FRG1: variants seen among roughly 807,000 people sequenced by gnomAD.
FRG1 encodes the protein protein FRG1.
Under a neutral mutation model 37.0 loss-of-function variants are expected in FRG1, and 19 were observed. The observed-to-expected ratio is 0.51, with a 90% CI of 0.36 to 0.75. The LOEUF (loss-of-function observed/expected upper bound fraction) is 0.75. Among genes scored for constraint, FRG1 ranks in the 30% least tolerant of loss-of-function variants. FRG1 has a pLI of 0.00. For missense variants in FRG1, 243 were observed against 301.4 expected, an observed-to-expected ratio of 0.81 and a Z score of 1.44; for synonymous variants, 73 against 96.5, an observed-to-expected ratio of 0.76 and a Z score of 1.43.
intron 5 of FRG1, among the ~76,000 whole-genome samples, chr4:189,956,221 C>T (rs758929723): frequency 2.6e-5 from 4 of 152,066 alleles, no homozygotes; most frequent in African/African-American, 4.8e-5. Context: ...TATTCCTTCC[C>T]CCGCCCCCCA....
intron 1 of FRG1, among the ~76,000 whole-genome samples, chr4:189,941,420 A>G (rs370117364): frequency 2.6e-5 from 4 of 152,058 alleles, no homozygotes; most frequent in Admixed American, 6.5e-5. Flanking sequence ...AGGGATTATT[A>G]TTTTCTCCAT....
intron 2 of FRG1, among the ~76,000 whole-genome samples, chr4:189,948,953 A>G (rs2126805518): frequency 6.6e-6 from 1 of 152,376 alleles, no homozygotes; most frequent in East Asian, 1.9e-4. Flanking sequence ...TCCACCTCTC[A>G]AAGTGCTGGA....
chr4:189,959,971 C>T (rs1579645412), intron 6 of FRG1: 1 of 780,330 alleles, frequency 1.3e-6, no homozygotes, highest in South Asian at 5.8e-5. Context: ...GACCAGAACA[C>T]AGATCCCTCT....
rs568458304 is a variant in FRG1 at position 189,949,482 on chromosome 4, G to A, written c.134-2680G>A. On this transcript the variant is annotated intron_variant, in intron 2 of 8. Coordinates refer to ENST00000226798, the MANE Select transcript of FRG1 (RefSeq NM_004477.3). ...TTTCAGTTGACAATATTAAAGTAACGTTATTGTATCATTTCCCTACTTGGA... is the reference window on the plus strand; with the variant it reads ...TTTCAGTTGACAATATTAAAGTAACATTATTGTATCATTTCCCTACTTGGA... Among the ~76,000 whole-genome samples the A allele has an allele frequency of 1.7e-4, 26 of 152,260 alleles. No individual in the cohort carries two copies. The East Asian group carries it at 3.1e-3, about 18-fold the overall frequency.
chr4:189,948,483 A>T (rs1337738901), intron 2 of FRG1, among the ~76,000 whole-genome samples: 4 of 152,308 alleles, frequency 2.6e-5, no homozygotes, highest in African/African-American at 9.6e-5. Flanking sequence ...CTACAGTAAG[A>T]TTGGGGAAGA....
chr4:189,958,702 A>C (rs1466517382), intron 6 of FRG1, among the ~76,000 whole-genome samples: 2 of 152,230 alleles, frequency 1.3e-5, no homozygotes, highest in Non-Finnish European at 2.9e-5. Flanking sequence ...TATCAAGGTG[A>C]AATTCTAAAT....
At chr4:189,952,138 T>C in intron 2 of FRG1, 24 bp from the exon 3 acceptor site, 1 of 1,509,278 alleles carries the variant, frequency 6.6e-7, no homozygotes, top group Non-Finnish European at 9.0e-7. Context: ...AATATAAAGT[T>C]GAAATATTGA....
intron 6 of FRG1, among the ~76,000 whole-genome samples, chr4:189,959,544 A>T (rs111582794): frequency 1.3e-5 from 2 of 152,226 alleles, no homozygotes; most frequent in East Asian, 3.8e-4. Flanking sequence ...GGGGAAATGC[A>T]GATGGGTTTG....
intron 2 of FRG1, among the ~76,000 whole-genome samples, chr4:189,946,838 G>GTTTT (rs796778267): frequency 3.3e-5 from 5 of 151,454 alleles, no homozygotes; most frequent in African/African-American, 4.9e-5. Context: ...TTGGTTCAGG[G>GTTTT]TTTTTTGTTT....
intron 2 of FRG1, among the ~76,000 whole-genome samples, chr4:189,948,042 T>A (rs1327002452): frequency 6.6e-6 from 1 of 152,236 alleles, no homozygotes; most frequent in Non-Finnish European, 1.5e-5. Context: ...TTCTCGTTGG[T>A]CATGGTGGGA....
chr4:189,953,191 A>G (rs373565733), intron 4 of FRG1, 66 bp downstream of exon 4: 2 of 1,468,254 alleles, frequency 1.4e-6, no homozygotes, highest in South Asian at 2.9e-5. Flanking sequence ...TTCATTAAAA[A>G]TTTTAGTATC....
chr4:189,958,165 C>T (rs1737069435), intron 6 of FRG1, among the ~76,000 whole-genome samples: 1 of 151,732 alleles, frequency 6.6e-6, no homozygotes, highest in Non-Finnish European at 1.5e-5. Context: ...CATAATATTC[C>T]ATTTCAGGGA....
chr4:189,955,125 G>A lies in FRG1; in HGVS notation c.406G>A (p.Glu136Lys). Residue 136 changes from glutamate to lysine, a missense_variant, in exon 5 of 9, where the codon GAA becomes AAA. Around this residue, in one of 2 missense-constraint regions of FRG1, gnomAD observed 133 missense variants for 199.3 expected, o/e 0.67. Transcript: ENST00000226798. ...VGRSDAIGPR[E>K]QWEPVFQNGK... is the part of the protein sequence containing the mutation. ...GCGTTCAGATGCAATTGGACCAAGA[G>A]AACAATGGGAACCAGTCTTTCAAAA... 1.2e-6 allele frequency: 2 copies of A among 1,611,656 alleles called. No homozygotes were observed. Among genetic ancestry groups the A allele is most frequent in the South Asian group, 2.2e-5 (2 of 91,026 alleles).
At position 189,946,714 on chromosome 4, in the gene FRG1, A is replaced by G. The variant is rs371762269; in HGVS notation, c.133+3442A>G. Among the ~76,000 whole-genome samples the G allele has an allele frequency of 7.1e-4, 108 of 152,322 alleles. No homozygotes were observed. The South Asian group carries it at 0.022, about 30-fold the overall frequency. ...ATATTGTTTTTAATTTCTACTACAT[A>G]GAGATATTATAGGTATGTTATTGTT... On this transcript the variant is annotated intron_variant, in intron 2 of 8. Coordinates refer to ENST00000226798, the MANE Select transcript of FRG1 (RefSeq NM_004477.3).
chr4:189,962,789 A>G (rs1191897431), intron 8 of FRG1, among the ~76,000 whole-genome samples: 1 of 152,216 alleles, frequency 6.6e-6, no homozygotes, highest in Non-Finnish European at 1.5e-5. Context: ...ACTTGTAATA[A>G]TACAGCATTC....
At position 189,952,176 on chromosome 4, in the gene FRG1, G is replaced by A; in HGVS notation, c.148G>A (p.Val50Ile). The change falls in exon 3 of 9, where the codon GTA becomes ATA. Residue 50 changes from valine to isoleucine, a missense_variant. Transcript: ENST00000226798. Reference protein sequence around the residue: ...QLDIVGIWWTVTNFGEISGTI... With the variant: ...QLDIVGIWWTITNFGEISGTI... ...TTATTTTTTAGGAATCTGGTGGACA[G>A]TAACAAACTTTGGTGAAATTTCAGG... is the stretch of plus-strand genomic sequence containing the variant. 1 of 1,594,660 alleles carries A rather than the reference G, an allele frequency of 6.3e-7. No individual in the cohort carries two copies. The highest frequency in any genetic ancestry group is 2.2e-5 in the East Asian group (1 of 44,618).
intron 1 of FRG1, among the ~76,000 whole-genome samples, chr4:189,942,720 CT>C (rs537134720): frequency 1.0e-3 from 155 of 152,226 alleles, no homozygotes; most frequent in African/African-American, 3.7e-3. Flanking sequence ...GGTATACATA[CT>C]TAGGAGTAAA....
chr4:189,944,373 TCA>T (rs1037591440), intron 2 of FRG1, among the ~76,000 whole-genome samples: 27 of 152,340 alleles, frequency 1.8e-4, no homozygotes, highest in African/African-American at 6.0e-4. Context: ...CAACAGGGTT[TCA>T]CCATGTTAGC....
intron 2 of FRG1, among the ~76,000 whole-genome samples, chr4:189,951,743 A>G (rs1260223159): frequency 2.6e-5 from 4 of 152,020 alleles, no homozygotes; most frequent in African/African-American, 9.7e-5. Flanking sequence ...ATAGCTCACT[A>G]TAACGTTGAA....
Sources: allele counts gnomAD v4.1 joint callset (sites outside exome capture counted in the v4.1 genomes callset), GRCh38; gene constraint gnomAD v4.1.1; regional missense constraint gnomAD v4.1.1; transcripts MANE v1.5; gene names NCBI Gene and HGNC (gene_info 2026-07-23, HGNC 2026-07-21).